The following AGK variants were observed in gnomAD, a reference collection of about 807,000 sequenced individuals.
The protein encoded by AGK is acylglycerol kinase, mitochondrial.
Under a neutral mutation model 66.4 loss-of-function variants are expected in AGK, and 52 were observed. The ratio of observed to expected loss-of-function variants is 0.78; its 90% CI spans 0.63 to 0.99. The LOEUF (loss-of-function observed/expected upper bound fraction) is 0.99. Among genes scored for constraint, AGK ranks in the 50% least tolerant of loss-of-function variants. The probability of loss-of-function intolerance (pLI) is 0.00; values close to 1 mark genes in which losing one functional copy is unlikely to be tolerated. For synonymous variants in AGK, 182 were observed against 181.1 expected, an observed-to-expected ratio of 1.00 and a Z score of -0.04; for missense variants, 451 against 506.6, an observed-to-expected ratio of 0.89 and a Z score of 1.05.
intron 14 of AGK, among the ~76,000 whole-genome samples, chr7:141,650,960 G>C (rs113369416): frequency 0.016 from 2,446 of 152,228 alleles, 70 homozygotes; most frequent in African/African-American, 0.054. Context: ...ATTCTCTAGG[G>C]GATAAGATAG....
intron 4 of AGK, 81 bp downstream of exon 4, chr7:141,596,722 T>C: frequency 4.0e-6 from 5 of 1,241,076 alleles, no homozygotes; most frequent in Non-Finnish European, 5.9e-6. Context: ...GCTAGTGAGA[T>C]TGTGTGGAAT....
At chr7:141,626,501 A>G (rs1408242859) in intron 9 of AGK, among the ~76,000 whole-genome samples, 1 of 152,246 alleles carries the variant, frequency 6.6e-6, no homozygotes. Flanking sequence ...TTGATAATGG[A>G]GAAATCTAGT....
intron 9 of AGK, among the ~76,000 whole-genome samples, chr7:141,633,505 G>C (rs1797102747): frequency 6.6e-6 from 1 of 152,156 alleles, no homozygotes; most frequent in Admixed American, 6.5e-5. Flanking sequence ...TCTGACTTGA[G>C]AGCTCTTGAT....
intron 14 of AGK, chr7:141,650,400 TA>T: frequency 1.9e-6 from 1 of 530,504 alleles, no homozygotes; most frequent in Non-Finnish European, 2.4e-6. Context: ...ATTCTATTGC[TA>T]AGGTTAGGCG....
intron 2 of AGK, among the ~76,000 whole-genome samples, chr7:141,577,941 T>C (rs964237045): frequency 1.3e-5 from 2 of 151,800 alleles, no homozygotes; most frequent in Non-Finnish European, 1.5e-5. Context: ...GCCTCTCAGG[T>C]AGCTGGGACT....
chr7:141,554,979 C>G (rs1044998152), intron 1 of AGK, among the ~76,000 whole-genome samples: 1 of 152,112 alleles, frequency 6.6e-6, no homozygotes, highest in African/African-American at 2.4e-5. Flanking sequence ...CTATTGAGGA[C>G]CTGGTATTTT....
rs1562989252 is a variant in AGK, at chr7:141,653,764, C to CATCTAAGTTGATATCTAAAATTTT, written c.*851_*874dup. 6.6e-6 allele frequency: 1 copy of CATCTAAGTTGATATCTAAAATTTT among 152,198 alleles called. No individual in the cohort carries two copies. Among genetic ancestry groups the CATCTAAGTTGATATCTAAAATTTT allele is most frequent in the Non-Finnish European group, 1.5e-5 (1 of 68,026 alleles). 9.4% of individuals were successfully genotyped at this position (152,198 alleles called of 1,614,324 possible). A position where few individuals can be genotyped will look rare whatever the true frequency, so the allele number is the denominator to read the frequency against. On this transcript the variant is annotated 3_prime_UTR_variant, in exon 16 of 16. Transcript: ENST00000649286. ...TTGAAAAATCATGTATACCCTCACC[C>CATCTAAGTTGATATCTAAAATTTT]ATCTAAGTTGATATCTAAAATTTTA...
intron 2 of AGK, among the ~76,000 whole-genome samples, chr7:141,591,907 G>A (rs1040895794): frequency 2.0e-5 from 3 of 152,142 alleles, no homozygotes; most frequent in African/African-American, 7.2e-5. Context: ...AGACCTTGAC[G>A]TTAAATAGGT....
chr7:141,580,403 A>C (rs1335830152), intron 2 of AGK, among the ~76,000 whole-genome samples: 1 of 151,956 alleles, frequency 6.6e-6, no homozygotes, highest in Admixed American at 6.5e-5. Context: ...ACAGGAAAGA[A>C]GGAAATATGG....
chr7:141,573,792 G>C (rs1054581474), intron 2 of AGK, among the ~76,000 whole-genome samples: 1 of 152,166 alleles, frequency 6.6e-6, no homozygotes, highest in Non-Finnish European at 1.5e-5. Flanking sequence ...TGGAGTAGCT[G>C]TCAGGAGCTC....
rs565891726 is a variant in AGK, at chr7:141,599,982, G to C, written c.222-1223G>C. On this transcript the variant is annotated intron_variant, in intron 4 of 15. Transcript: ENST00000649286. ...TTTGTGTTCTATATGCCATTTGGTGGTTCTTTTTAGTTTAAAGAATATTGA... is the reference window on the plus strand; with the variant it reads ...TTTGTGTTCTATATGCCATTTGGTGCTTCTTTTTAGTTTAAAGAATATTGA... Among the ~76,000 whole-genome samples the C allele has an allele frequency of 5.7e-4, 86 of 152,206 alleles. 1 individual carries two copies. The highest frequency in any genetic ancestry group is 2.0e-3 in the African/African-American group (82 of 41,552).
chr7:141,559,509 C>T (rs1292420254), intron 2 of AGK, among the ~76,000 whole-genome samples: 1 of 152,078 alleles, frequency 6.6e-6, no homozygotes, highest in Non-Finnish European at 1.5e-5. Context: ...GTTTTGATTA[C>T]TATTGCTTTG....
chr7:141,565,208 T>G (rs1346784063), intron 2 of AGK, among the ~76,000 whole-genome samples: 1 of 152,212 alleles, frequency 6.6e-6, no homozygotes. Context: ...AGACCTCTTT[T>G]GAATTCCAGA....
intron 12 of AGK, 111 bp downstream of exon 12, chr7:141,641,509 C>A: frequency 8.1e-7 from 1 of 1,241,580 alleles, no homozygotes; most frequent in Non-Finnish European, 1.1e-6. Context: ...AGAAGCCTCT[C>A]AGGGATCACT....
At chr7:141,601,785 C>T (rs1432730059) in intron 5 of AGK, among the ~76,000 whole-genome samples, 2 of 152,008 alleles carry the variant, frequency 1.3e-5, no homozygotes. Flanking sequence ...CAGGACTCTA[C>T]TTGTTGAATT....
chr7:141,561,839 T>C (rs1185616001), intron 2 of AGK, among the ~76,000 whole-genome samples: 1 of 152,142 alleles, frequency 6.6e-6, no homozygotes, highest in Non-Finnish European at 1.5e-5. Context: ...CAGATTCTTT[T>C]GTCCCATGAG....
chr7:141,567,146 T>G (rs1795489370), intron 2 of AGK, among the ~76,000 whole-genome samples: 1 of 152,162 alleles, frequency 6.6e-6, no homozygotes, highest in Admixed American at 6.5e-5. Context: ...TTGGTGTCCC[T>G]CATGTTCCAT....
chr7:141,631,167 T>C (rs1359172021), intron 9 of AGK, among the ~76,000 whole-genome samples: 1 of 152,212 alleles, frequency 6.6e-6, no homozygotes, highest in Non-Finnish European at 1.5e-5. Context: ...TTTTATGTAT[T>C]TATTTATTAT....
At chr7:141,570,431 G>A (rs537227456) in intron 2 of AGK, among the ~76,000 whole-genome samples, 13 of 152,228 alleles carry the variant, frequency 8.5e-5, no homozygotes, top group Admixed American at 8.5e-4. Flanking sequence ...GCACTACTAT[G>A]TGCTATGTTC....
Sources: allele counts gnomAD v4.1 joint callset (sites outside exome capture counted in the v4.1 genomes callset), GRCh38; gene constraint gnomAD v4.1.1; transcripts MANE v1.5; gene names NCBI Gene and HGNC (gene_info 2026-07-23, HGNC 2026-07-21).